Variants in VTCN1 observed in about 807,000 individuals in gnomAD.
The protein encoded by VTCN1 is V-set domain containing T cell activation inhibitor 1, also known as V-set domain-containing T-cell activation inhibitor 1.
In VTCN1, 26 loss-of-function variants were observed where a neutral mutation model predicts 26.5. The ratio of observed to expected loss-of-function variants is 0.98; its 90% CI spans 0.72 to 1.36. The LOEUF (loss-of-function observed/expected upper bound fraction) is 1.36. Among genes scored for constraint, VTCN1 ranks in the 40% most tolerant of loss-of-function variants. VTCN1 has a pLI of 0.00. For synonymous variants in VTCN1, 116 were observed against 130.7 expected, an observed-to-expected ratio of 0.89 and a Z score of 0.77; for missense variants, 298 against 337.7, an observed-to-expected ratio of 0.88 and a Z score of 0.92.
chr1:117,173,391 A>ACACACAC (rs1653030036), intron 1 of VTCN1: 1 of 320,148 alleles, frequency 3.1e-6, no homozygotes, highest in African/African-American at 3.3e-5. Flanking sequence ...CACACACACA[A>ACACACAC]CACCATGTAA....
At position 117,167,777 on chromosome 1, in the gene VTCN1, A is replaced by T. The variant is rs1186935315; in HGVS notation, c.97+2330T>A. On this transcript the variant is annotated intron_variant, in intron 2 of 5. Transcript: ENST00000369458. The surrounding 1 kb of genome is among the most constrained non-coding windows in gnomAD (Gnocchi z 4.1). The stretch of plus-strand genomic sequence containing the variant: ...GAGACAGTAGAAAAAGAATTGAAAG[A>T]TGGCCAAGTAAAGCAGGAAGAGGAA... Among the ~76,000 whole-genome samples the T allele has an allele frequency of 6.6e-6, 1 of 152,226 alleles. No individual in the cohort carries two copies. The highest frequency in any genetic ancestry group is 1.5e-5 in the Non-Finnish European group (1 of 68,046).
chr1:117,192,008 G>GATATATATATAT (rs34397281), intron 1 of VTCN1, among the ~76,000 whole-genome samples: 15 of 148,154 alleles, frequency 1.0e-4, no homozygotes, highest in Non-Finnish European at 1.5e-4. Flanking sequence ...ATTCTTAGGA[G>GATATATATATAT]ATATATAGAT....
At chr1:117,151,400 G>C (rs898342975) in intron 4 of VTCN1, among the ~76,000 whole-genome samples, 1 of 152,140 alleles carries the variant, frequency 6.6e-6, no homozygotes, top group African/African-American at 2.4e-5. Flanking sequence ...CCCAAAGAGT[G>C]AGCAGCAGCA....
chr1:117,149,503 C>T (rs563036087), intron 4 of VTCN1, among the ~76,000 whole-genome samples: 2 of 152,222 alleles, frequency 1.3e-5, no homozygotes, highest in Non-Finnish European at 2.9e-5. Context: ...TCCCCCAGAC[C>T]ATTACTGTAA....
chr1:117,194,097 G>A (rs1557876279), intron 1 of VTCN1, among the ~76,000 whole-genome samples: 1 of 152,122 alleles, frequency 6.6e-6, no homozygotes, highest in African/African-American at 2.4e-5. Flanking sequence ...AAGAATAGAA[G>A]AAAATATTTG....
At chr1:117,195,475 T>G (rs1025202279) in intron 1 of VTCN1, among the ~76,000 whole-genome samples, 3 of 151,910 alleles carry the variant, frequency 2.0e-5, no homozygotes, top group Non-Finnish European at 4.4e-5. Context: ...TATATAGAAT[T>G]TTTGTCAATT....
chr1:117,206,480 C>G (rs1017566049), intron 1 of VTCN1, among the ~76,000 whole-genome samples: 2 of 152,172 alleles, frequency 1.3e-5, no homozygotes, highest in Non-Finnish European at 2.9e-5. Context: ...GTACTATTAT[C>G]TGCCCCATTT....
intron 2 of VTCN1, among the ~76,000 whole-genome samples, chr1:117,165,159 C>T (rs1360952074): frequency 1.3e-5 from 2 of 152,140 alleles, no homozygotes; most frequent in East Asian, 1.9e-4. Flanking sequence ...AGTGTAGGTT[C>T]GGGAAACAAA....
chr1:117,199,079 C>T (rs533159188), intron 1 of VTCN1, among the ~76,000 whole-genome samples: 1 of 152,306 alleles, frequency 6.6e-6, no homozygotes, highest in East Asian at 1.9e-4. Flanking sequence ...CTCCCACATT[C>T]ACATAGTTTT....
At chr1:117,191,505 T>G (rs1271857248) in intron 1 of VTCN1, among the ~76,000 whole-genome samples, 1 of 151,968 alleles carries the variant, frequency 6.6e-6, no homozygotes. Flanking sequence ...CTATAAAAAA[T>G]AAAAAACAGA....
At chr1:117,174,561 G>A (rs898018198) in intron 1 of VTCN1, among the ~76,000 whole-genome samples, 3 of 152,216 alleles carry the variant, frequency 2.0e-5, no homozygotes, top group African/African-American at 7.2e-5. Context: ...GAGGTCAGGA[G>A]TTCAAGACCA....
At chr1:117,202,550 T>C (rs1163257524) in intron 1 of VTCN1, among the ~76,000 whole-genome samples, 11 of 152,236 alleles carry the variant, frequency 7.2e-5, no homozygotes, top group Non-Finnish European at 1.6e-4. Flanking sequence ...TATCTTGGTA[T>C]AGTGGGGACA....
At chr1:117,163,526 A>C (rs1480190140) in intron 2 of VTCN1, among the ~76,000 whole-genome samples, 2 of 152,238 alleles carry the variant, frequency 1.3e-5, no homozygotes, top group African/African-American at 4.8e-5. Flanking sequence ...TAAGGAAAAC[A>C]ACATTTCACT....
chr1:117,155,814 C>T lies in VTCN1; in HGVS notation c.445+760G>A, dbSNP rs917429369. On this transcript the variant is annotated intron_variant, in intron 3 of 5. Transcript: ENST00000369458. The surrounding 1 kb of genome is among the most constrained non-coding windows in gnomAD (Gnocchi z 4.8). ...CTCAAATGCCAGCTTCTCCAGGGGG[C>T]TTTCCCATCCCTTCCCTCCTATGCA... Among the ~76,000 whole-genome samples, 2 of 152,176 alleles carry T rather than the reference C, an allele frequency of 1.3e-5. No individual in the cohort carries two copies. Among genetic ancestry groups the T allele is most frequent in the Non-Finnish European group, 2.9e-5 (2 of 68,030 alleles).
chr1:117,207,396 C>G (rs1339699775), intron 1 of VTCN1, among the ~76,000 whole-genome samples: 1 of 152,120 alleles, frequency 6.6e-6, no homozygotes, highest in Non-Finnish European at 1.5e-5. Flanking sequence ...AATCTCTATC[C>G]TGGCCTCTTG....
intron 1 of VTCN1, among the ~76,000 whole-genome samples, chr1:117,184,919 C>G (rs1463733687): frequency 6.6e-6 from 1 of 152,134 alleles, no homozygotes; most frequent in East Asian, 1.9e-4. Context: ...CCTCCTAGGC[C>G]TGGAAGCAAT....
At chr1:117,193,161 G>A (rs1648331218) in intron 1 of VTCN1, among the ~76,000 whole-genome samples, 1 of 152,082 alleles carries the variant, frequency 6.6e-6, no homozygotes, top group Non-Finnish European at 1.5e-5. Flanking sequence ...AGGAACTTGA[G>A]CATCTGTGGA....
chr1:117,187,414 G>C (rs1037023428), intron 1 of VTCN1, among the ~76,000 whole-genome samples: 1 of 150,962 alleles, frequency 6.6e-6, no homozygotes, highest in African/African-American at 2.4e-5. Flanking sequence ...TCAGGCACTT[G>C]AGGAACTAGG....
chr1:117,172,386 G>T (rs1357226385), intron 1 of VTCN1: 1 of 518,650 alleles, frequency 1.9e-6, no homozygotes, highest in Non-Finnish European at 3.9e-6. Context: ...ACCATATTTG[G>T]CCACTGCTCC....
Sources: gnomAD v4.1 joint callset for allele counts (sites outside exome capture counted in the v4.1 genomes callset) on GRCh38, gnomAD v4.1.1 for gene constraint, Gnocchi (gnomAD v3.1) non-coding constraint, MANE v1.5 for transcripts, NCBI Gene and HGNC (gene_info 2026-07-23, HGNC 2026-07-21) for gene names.